Variants in ADGRV1 observed in about 807,000 individuals in gnomAD.
ADGRV1 encodes G-protein coupled receptor 98.
In ADGRV1, 359 loss-of-function variants were observed where a neutral mutation model predicts 596.2. The observed-to-expected ratio is 0.60, with a 90% CI of 0.55 to 0.66. The LOEUF (loss-of-function observed/expected upper bound fraction) is 0.66, where lower values mean the gene tolerates loss of function less well. ADGRV1 is among the 30% of genes least tolerant of loss of function. The pLI is 0.00. For missense variants in ADGRV1, 7,274 were observed against 7,575.6 expected (o/e 0.96, Z 1.48); for synonymous variants, 2,681 against 2,679.2 (o/e 1.00, Z -0.02).
rs191245933 is a variant in ADGRV1, at chr5:90,669,434, G to T, written c.4753-3112G>T. Among the ~76,000 whole-genome samples the T allele has an allele frequency of 8.5e-5, 13 of 152,202 alleles. 1 individual carries two copies. In the East Asian group the frequency reaches 2.3e-3, roughly 27 times the overall value. ...ACACAGAACTTATGGAAAAGATGGG[G>T]TTAGGAAAACACTGCTCAAGGACTT... is the stretch of plus-strand genomic sequence containing the variant. On this transcript the variant is annotated intron_variant, in intron 21 of 89. Coordinates refer to ENST00000405460, the MANE Select transcript of ADGRV1 (RefSeq NM_032119.4).
rs2149772226 is a variant in ADGRV1 at position 90,721,079 on chromosome 5, A to T, written c.9748+20A>T. 1.2e-6 allele frequency: 2 copies of T among 1,602,768 alleles called. No individual in the cohort carries two copies. The highest frequency in any genetic ancestry group is 1.7e-5 in the Admixed American group (1 of 58,688). ...GCATGAGTATGTTTCATTTCTTATG[A>T]GAACAAAATTCTGTAACGAAAAAAT... On this transcript the variant is annotated intron_variant, in intron 45 of 89. Transcript: ENST00000405460.
At chr5:91,039,046 A>G (rs1785126095) in intron 85 of ADGRV1, among the ~76,000 whole-genome samples, 1 of 152,330 alleles carries the variant, frequency 6.6e-6, no homozygotes, top group East Asian at 1.9e-4. Flanking sequence ...CTGAATATAT[A>G]GTTGATATTC....
intron 83 of ADGRV1, among the ~76,000 whole-genome samples, chr5:90,892,690 G>A (rs1047501762): frequency 6.6e-6 from 1 of 151,992 alleles, no homozygotes; most frequent in Non-Finnish European, 1.5e-5. Context: ...TTAGCCAGTG[G>A]TCTGTTTTCT....
At chr5:91,153,455 T>C (rs1796224777) in intron 89 of ADGRV1, 57 bp downstream of exon 89, 1 of 1,304,920 alleles carries the variant, frequency 7.7e-7, no homozygotes, top group Admixed American at 2.6e-5. Flanking sequence ...TGTTACAATT[T>C]ATATTTTCTT....
At chr5:90,781,277 A>G (rs1191089847) in intron 64 of ADGRV1, 153 bp from the exon 65 acceptor site, 4 of 691,840 alleles carry the variant, frequency 5.8e-6, no homozygotes, top group Non-Finnish European at 1.0e-5. Flanking sequence ...GGAAAAAGAG[A>G]ATATTTTAGC....
At chr5:90,579,866 T>G (rs140615294) in intron 1 of ADGRV1, among the ~76,000 whole-genome samples, 1,765 of 152,348 alleles carry the variant, frequency 0.012, 16 homozygotes, top group Non-Finnish European at 0.017. Context: ...TGTAATGGCC[T>G]TCTTTGTCTC....
At chr5:90,657,773 A>G in intron 20 of ADGRV1, 132 bp from the exon 21 acceptor site, 1 of 777,970 alleles carries the variant, frequency 1.3e-6, no homozygotes, top group Non-Finnish European at 2.0e-6. Context: ...TTCATTGTAT[A>G]CTAGTTATGC....
At position 91,163,880 on chromosome 5, in the gene ADGRV1, A is replaced by G. The variant is rs770554263; in HGVS notation, c.18901A>G (p.Ile6301Val). 17 of 1,576,398 alleles carry G rather than the reference A, an allele frequency of 1.1e-5. No individual in the cohort carries two copies. The highest frequency in any genetic ancestry group is 1.4e-5 in the Non-Finnish European group (16 of 1,147,992). The change falls in exon 90 of 90, where the codon ATC becomes GTC. Residue 6301 changes from isoleucine to valine, a missense_variant. By Grantham distance (29) the Ile-to-Val change is conservative. This residue lies in a region of ADGRV1 where 1,874 missense variants were observed against 1,970.2 expected (regional missense o/e 0.95). Transcript: ENST00000405460. ...GATCGTGGAGCTCAGGAGGATACCCATCGCCGACACTCACCTGTAGCACCT... is the reference window on the plus strand; with the variant it reads ...GATCGTGGAGCTCAGGAGGATACCCGTCGCCGACACTCACCTGTAGCACCT... ...SQIVELRRIP[I>V]ADTHL
chr5:91,077,910 A>G (rs542517643), intron 86 of ADGRV1, among the ~76,000 whole-genome samples: 1 of 152,320 alleles, frequency 6.6e-6, no homozygotes, highest in East Asian at 1.9e-4. Context: ...TCCAGTTCTT[A>G]TATGAGGAAT....
At chr5:90,609,766 C>T (rs531023665) in intron 1 of ADGRV1, among the ~76,000 whole-genome samples, 1 of 152,080 alleles carries the variant, frequency 6.6e-6, no homozygotes, top group East Asian at 1.9e-4. Context: ...CTTGCTATGG[C>T]ATTGACAAGG....
chr5:90,676,020 T>C, intron 24 of ADGRV1, 60 bp from the exon 25 acceptor site: 2 of 1,334,710 alleles, frequency 1.5e-6, no homozygotes, highest in African/African-American at 1.5e-5. Context: ...TACAGAATGA[T>C]TGTAATCTAT....
intron 85 of ADGRV1, among the ~76,000 whole-genome samples, chr5:91,003,118 G>A (rs1446806458): frequency 6.6e-6 from 1 of 152,136 alleles, no homozygotes; most frequent in Non-Finnish European, 1.5e-5. Flanking sequence ...GTGAGCTGCA[G>A]CCTCTAAACA....
chr5:91,078,622 C>T lies in ADGRV1; in HGVS notation c.18310+6018C>T, dbSNP rs572087123. 5.9e-5 allele frequency among the ~76,000 whole-genome samples: 9 copies of T among 152,304 alleles called. No individual in the cohort carries two copies. In the South Asian group the frequency reaches 1.9e-3, roughly 32 times the overall value. On this transcript the variant is annotated intron_variant, in intron 86 of 89. Transcript: ENST00000405460. Reference sequence around the variant, plus strand: ...GGAAGCCACCATCTAAGTTCAATTACCCAGAGACCACCACGGTGGTAGAAA... The same window carrying T: ...GGAAGCCACCATCTAAGTTCAATTATCCAGAGACCACCACGGTGGTAGAAA...
At chr5:91,122,325 C>T (rs1453010352) in intron 87 of ADGRV1, among the ~76,000 whole-genome samples, 10 of 152,136 alleles carry the variant, frequency 6.6e-5, no homozygotes, top group South Asian at 6.2e-4. Context: ...ATTCTTTTAA[C>T]GAATACATTT....
At chr5:90,743,758 A>C (rs1054041243) in intron 50 of ADGRV1, among the ~76,000 whole-genome samples, 2 of 151,980 alleles carry the variant, frequency 1.3e-5, no homozygotes. Flanking sequence ...GGCATGAGCC[A>C]CCGTGCCCGG....
chr5:91,058,803 C>T (rs747698676), intron 85 of ADGRV1, among the ~76,000 whole-genome samples: 22 of 152,126 alleles, frequency 1.4e-4, no homozygotes, highest in Non-Finnish European at 1.5e-4. Flanking sequence ...CTCATGCGGA[C>T]GTGCTGTGGA....
chr5:90,609,054 C>G (rs1762434780), intron 1 of ADGRV1, among the ~76,000 whole-genome samples: 1 of 152,132 alleles, frequency 6.6e-6, no homozygotes, highest in African/African-American at 2.4e-5. Flanking sequence ...GTCTGGTATT[C>G]CTTTGTTAAC....
intron 82 of ADGRV1, among the ~76,000 whole-genome samples, chr5:90,857,966 A>G (rs1424758488): frequency 6.6e-6 from 1 of 152,160 alleles, no homozygotes; most frequent in African/African-American, 2.4e-5. Context: ...ATCACAATGT[A>G]TCGGTACCAA....
chr5:90,967,730 GA>G (rs1778603466), intron 84 of ADGRV1, among the ~76,000 whole-genome samples: 1 of 152,138 alleles, frequency 6.6e-6, no homozygotes, highest in Non-Finnish European at 1.5e-5. Context: ...AGCCAATGAA[GA>G]GAAACTGTAC....
Sources: allele counts gnomAD v4.1 joint callset (sites outside exome capture counted in the v4.1 genomes callset), GRCh38; gene constraint gnomAD v4.1.1; regional missense constraint gnomAD v4.1.1; transcripts MANE v1.5; gene names NCBI Gene and HGNC (gene_info 2026-07-23, HGNC 2026-07-21).